ROPN1L: variants seen among roughly 807,000 people sequenced by gnomAD.
The protein encoded by ROPN1L is rhophilin associated tail protein 1 like.
A neutral mutation model predicts 22.7 loss-of-function variants in ROPN1L; 23 were observed. That is an observed-to-expected ratio of 1.01 (90% CI 0.73 to 1.43). The LOEUF is 1.43. Among genes scored for constraint, ROPN1L ranks in the 40% most tolerant of loss-of-function variants. The pLI, the probability that ROPN1L is intolerant of heterozygous loss-of-function variation, is 0.00. For missense variants in ROPN1L, 271 were observed against 291.5 expected, an observed-to-expected ratio of 0.93 and a Z score of 0.51; for synonymous variants, 116 against 117.8, an observed-to-expected ratio of 0.98 and a Z score of 0.10.
At position 10,442,183 on chromosome 5, in the gene ROPN1L, A is replaced by G; in HGVS notation, c.16A>G (p.Thr6Ala). MPLPD[T>A]MFCAQQIHIP... Reference sequence around the variant, plus strand: ...GCGGAGAGCGATGCCGCTTCCCGACACCATGTTCTGCGCTCAGCAGATCCA... The same window carrying G: ...GCGGAGAGCGATGCCGCTTCCCGACGCCATGTTCTGCGCTCAGCAGATCCA... The change falls in exon 1 of 5, where the codon ACC becomes GCC. Residue 6 changes from threonine (T) to alanine (A), a missense_variant. Thr to Ala is a moderately conservative substitution (Grantham distance 58). Transcript: ENST00000274134. 6.2e-7 allele frequency: 1 copy of G among 1,613,594 alleles called. No individual in the cohort carries two copies. Among genetic ancestry groups the G allele is most frequent in the East Asian group, 2.2e-5 (1 of 44,860 alleles).
downstream of ROPN1L, among the ~76,000 whole-genome samples, chr5:10,474,658 A>G (rs1735295450): frequency 6.6e-6 from 1 of 152,242 alleles, no homozygotes; most frequent in African/African-American, 2.4e-5. Flanking sequence ...TGAACAGAGG[A>G]CTCAGCCAAG....
Position 10,442,070 on chromosome 5 carries a change from C to G in ROPN1L, c.-98C>G. ...TGGGAGGCGGCCCTGGCCGCAAGCCCCGCGCTGCTAGCGGGTCCACCGCGT... is the reference window on the plus strand; with the variant it reads ...TGGGAGGCGGCCCTGGCCGCAAGCCGCGCGCTGCTAGCGGGTCCACCGCGT... On this transcript the variant is annotated 5_prime_UTR_variant, in exon 1 of 5. Transcript: ENST00000274134. 1 of 1,517,144 alleles carries G rather than the reference C, an allele frequency of 6.6e-7. No individual in the cohort carries two copies. The highest frequency in any genetic ancestry group is 2.3e-5 in the East Asian group (1 of 43,778). 94.0% of individuals were successfully genotyped at this position (1,517,144 alleles called of 1,614,324 possible).
downstream of ROPN1L, chr5:10,472,075 T>A (rs530726649): frequency 6.6e-6 from 1 of 152,352 alleles, no homozygotes; most frequent in South Asian, 2.1e-4. Flanking sequence ...AGTGCATACG[T>A]TGTTTCTGGA....
intron 4 of ROPN1L, among the ~76,000 whole-genome samples, chr5:10,464,171 G>A (rs2126471903): frequency 6.6e-6 from 1 of 152,268 alleles, no homozygotes; most frequent in East Asian, 1.9e-4. Context: ...ACCATGGGCT[G>A]AGCCTCTGGA....
At chr5:10,458,802 G>A (rs1875020) in intron 3 of ROPN1L, among the ~76,000 whole-genome samples, 40 of 1,592 alleles carry the variant, frequency 0.025, 1 homozygote, top group Middle Eastern at 0.5. Context: ...ACACCATCCC[G>A]CCCATGTACA....
At position 10,441,939 on chromosome 5, in the gene ROPN1L, A is replaced by G. The variant is rs1218837233; in HGVS notation, c.-229A>G. On this transcript the variant is annotated 5_prime_UTR_variant, in exon 1 of 5. Coordinates refer to ENST00000274134, the MANE Select transcript of ROPN1L (RefSeq NM_031916.5). ...GTGGCGGCTGGCGCTAGGGAACTGC[A>G]GGGTCTAGGGTGTTGTCGGAGTGGC... 2 of 419,700 alleles carry G rather than the reference A, an allele frequency of 4.8e-6. No homozygotes were observed. Among genetic ancestry groups the G allele is most frequent in the East Asian group, 4.1e-5 (1 of 24,214 alleles). 26.0% of individuals were successfully genotyped at this position (419,700 alleles called of 1,614,324 possible). A position where few individuals can be genotyped will look rare whatever the true frequency, so the allele number is the denominator to read the frequency against.
At chr5:10,468,084 G>A (rs749403155), downstream of ROPN1L, among the ~76,000 whole-genome samples, 6 of 152,234 alleles carry the variant, frequency 3.9e-5, no homozygotes, top group Non-Finnish European at 5.9e-5. Context: ...CCCCAGCACA[G>A]TTGGGGGTCT....
chr5:10,456,580 C>CA (rs1741428008), intron 3 of ROPN1L, among the ~76,000 whole-genome samples: 1 of 152,204 alleles, frequency 6.6e-6, no homozygotes, highest in African/African-American at 2.4e-5. Flanking sequence ...ACACAGCAGA[C>CA]GGCAGCATGG....
At chr5:10,452,604 C>A (rs1381370884) in intron 3 of ROPN1L, among the ~76,000 whole-genome samples, 1 of 150,910 alleles carries the variant, frequency 6.6e-6, no homozygotes, top group African/African-American at 2.4e-5. Context: ...TCCCAAAATG[C>A]TGGGATTACA....
chr5:10,454,490 GT>G (rs1457537898), intron 3 of ROPN1L, among the ~76,000 whole-genome samples: 1 of 151,866 alleles, frequency 6.6e-6, no homozygotes, highest in Non-Finnish European at 1.5e-5. Flanking sequence ...GGATCAAAAT[GT>G]TTTGTTTTGT....
chr5:10,468,451 G>C (rs1469680451), downstream of ROPN1L, among the ~76,000 whole-genome samples: 2 of 152,172 alleles, frequency 1.3e-5, no homozygotes, highest in African/African-American at 4.8e-5. Flanking sequence ...GACTCTTCTT[G>C]TTACAAGGCT....
intron 4 of ROPN1L, among the ~76,000 whole-genome samples, chr5:10,464,467 A>G (rs1258510261): frequency 6.6e-6 from 1 of 151,934 alleles, no homozygotes; most frequent in African/African-American, 2.4e-5. Flanking sequence ...TGATGCGGCT[A>G]CTCCGCCTGA....
At chr5:10,454,793 G>A (rs1356489137) in intron 3 of ROPN1L, among the ~76,000 whole-genome samples, 1 of 152,202 alleles carries the variant, frequency 6.6e-6, no homozygotes, top group Non-Finnish European at 1.5e-5. Flanking sequence ...CCCTGCGTGT[G>A]TATTCTCTGG....
At chr5:10,463,697 G>A (rs1439810019) in intron 4 of ROPN1L, among the ~76,000 whole-genome samples, 1 of 152,164 alleles carries the variant, frequency 6.6e-6, no homozygotes, top group African/African-American at 2.4e-5. Flanking sequence ...TGGCGCAGGT[G>A]CCGGGGATGT....
intron 3 of ROPN1L, among the ~76,000 whole-genome samples, chr5:10,458,296 C>T (rs1339787538): frequency 6.6e-6 from 1 of 151,930 alleles, no homozygotes; most frequent in Admixed American, 6.6e-5. Context: ...CTTTCAAGTC[C>T]CCATGCTGGT....
intron 1 of ROPN1L, among the ~76,000 whole-genome samples, chr5:10,445,723 C>T (rs62364292): frequency 0.048 from 7,258 of 152,152 alleles, 202 homozygotes; most frequent in Non-Finnish European, 0.069. Flanking sequence ...CTCAGGAGCT[C>T]GAGACCAGCC....
intron 2 of ROPN1L, 144 bp downstream of exon 2, chr5:10,448,527 C>T (rs1282870506): frequency 3.4e-5 from 31 of 922,096 alleles, no homozygotes; most frequent in Middle Eastern, 6.9e-4. Context: ...TTCCCTGCCA[C>T]GCATCGTCAA....
In ROPN1L at chr5:10,442,297, G is replaced by C; in HGVS notation, c.130G>C (p.Gly44Arg). ...QPADVLRWSA[G>R]YFSALSRGDP... The stretch of plus-strand genomic sequence containing the variant: ...GGCCGACGTGCTGCGGTGGTCCGCG[G>C]GGTAAGCGCCCTTGGCCCGGGGAGC... Residue 44 changes from glycine to arginine, a missense_variant and splice_region_variant, in exon 1 of 5, where the codon GGC becomes CGC. By Grantham distance (125) the Gly-to-Arg change is moderately radical (BLOSUM62 -2). Transcript: ENST00000274134. 6.2e-7 allele frequency: 1 copy of C among 1,613,018 alleles called. No homozygotes were observed. Among genetic ancestry groups the C allele is most frequent in the Non-Finnish European group, 8.5e-7 (1 of 1,179,768 alleles).
chr5:10,448,685 C>A (rs1032212387), intron 2 of ROPN1L, among the ~76,000 whole-genome samples: 3 of 152,216 alleles, frequency 2.0e-5, no homozygotes, highest in African/African-American at 7.2e-5. Context: ...TTCTGCTGGG[C>A]AAAACATACA....
Sources: gnomAD v4.1 joint callset for allele counts (sites outside exome capture counted in the v4.1 genomes callset) on GRCh38, gnomAD v4.1.1 for gene constraint, MANE v1.5 for transcripts, NCBI Gene and HGNC (gene_info 2026-07-23, HGNC 2026-07-21) for gene names.